Variants in MRPL39 observed in about 807,000 individuals in gnomAD.
MRPL39 encodes large ribosomal subunit protein mL39.
MRPL39 carries 35 observed loss-of-function variants against 44.5 expected under a neutral mutation model. The observed-to-expected ratio is 0.79, with a 90% CI of 0.60 to 1.04. The LOEUF is 1.04. Among genes scored for constraint, MRPL39 ranks in the 50% least tolerant of loss-of-function variants. MRPL39 has a pLI of 0.00. For synonymous variants in MRPL39, 139 were observed against 136.1 expected, an observed-to-expected ratio of 1.02 and a Z score of -0.15; for missense variants, 433 against 413.5, an observed-to-expected ratio of 1.05 and a Z score of -0.41.
At chr21:25,596,599 T>G (rs2031368082) in intron 6 of MRPL39, among the ~76,000 whole-genome samples, 1 of 152,200 alleles carries the variant, frequency 6.6e-6, no homozygotes, top group South Asian at 2.1e-4. Context: ...TAATTCAACT[T>G]CTATATACCT....
intron 3 of MRPL39, 25 bp from the exon 4 acceptor site, chr21:25,601,492 A>T: frequency 1.4e-6 from 2 of 1,402,626 alleles, no homozygotes; most frequent in Non-Finnish European, 2.0e-6. Context: ...TACATATATA[A>T]AATATATATA....
At chr21:25,607,509 C>T (rs767449660), upstream of MRPL39, 9 of 1,601,366 alleles carry the variant, frequency 5.6e-6, no homozygotes, top group East Asian at 1.8e-4. Flanking sequence ...GCAAGTCCTT[C>T]TCCGCCCTCC....
chr21:25,607,641 C>T, upstream of MRPL39: 1 of 681,814 alleles, frequency 1.5e-6, no homozygotes, highest in Non-Finnish European at 2.4e-6. Context: ...GTGGCTGAGA[C>T]CCCGAGACTC....
chr21:25,591,193 GA>G lies in MRPL39; in HGVS notation c.921+1618del, dbSNP rs368200258. 3.0e-3 allele frequency among the ~76,000 whole-genome samples: 440 copies of G among 145,242 alleles called. 3 individuals are homozygous for G. The highest frequency in any genetic ancestry group is 9.6e-3 in the African/African-American group (379 of 39,606). Reference sequence around the variant, plus strand: ...GTAAAACTCTAAAACTTTTAGGAGGGAAAAAAAAAAGGAGAAAATCTTTGGG... The same window carrying G: ...GTAAAACTCTAAAACTTTTAGGAGGGAAAAAAAAAGGAGAAAATCTTTGGG... On this transcript the variant is annotated intron_variant, in intron 8 of 9. Coordinates refer to ENST00000352957, the MANE Select transcript of MRPL39 (RefSeq NM_017446.4).
chr21:25,606,451 A>G lies in MRPL39; in HGVS notation c.278T>C (p.Met93Thr), dbSNP rs745477473. 1.3e-6 allele frequency: 2 copies of G among 1,594,142 alleles called. No individual in the cohort carries two copies. Among genetic ancestry groups the G allele is most frequent in the Non-Finnish European group, 8.6e-7 (1 of 1,169,578 alleles). The change falls in exon 2 of 10, where the codon ATG becomes ACG. Residue 93 changes from methionine (M) to threonine (T), a missense_variant and splice_region_variant. Met to Thr is a moderately conservative substitution (Grantham distance 81, BLOSUM62 -1). Coordinates refer to ENST00000352957, the MANE Select transcript of MRPL39 (RefSeq NM_017446.4). ...KNISTPYSCAMHLSEWYCRKS... is the reference protein window; with the variant it reads ...KNISTPYSCATHLSEWYCRKS... ...TGTAACCTGATTCTGCTACTTACGCATGGCACAACTGTAGGGAGTTGAAAT... is the reference window on the plus strand; with the variant it reads ...TGTAACCTGATTCTGCTACTTACGCGTGGCACAACTGTAGGGAGTTGAAAT...
chr21:25,596,091 T>C (rs1032178821), intron 6 of MRPL39, among the ~76,000 whole-genome samples: 1 of 152,142 alleles, frequency 6.6e-6, no homozygotes, highest in African/African-American at 2.4e-5. Context: ...TTGAGTGCGA[T>C]GAGTAAAAAT....
intron 1 of MRPL39, 85 bp downstream of exon 1, chr21:25,607,318 C>G (rs991751820): frequency 2.0e-6 from 3 of 1,494,236 alleles, no homozygotes; most frequent in Non-Finnish European, 2.8e-6. Flanking sequence ...CCCCGCGGGA[C>G]CTCCCCGGCC....
At chr21:25,604,906 G>A (rs1345815455) in intron 2 of MRPL39, among the ~76,000 whole-genome samples, 1 of 152,218 alleles carries the variant, frequency 6.6e-6, no homozygotes, top group African/African-American at 2.4e-5. Context: ...CAGGGGTCAT[G>A]CTGAGGATGC....
rs376250351 is a variant in MRPL39 at position 25,604,656 on chromosome 21, GC to G, written c.281-722del. Among the ~76,000 whole-genome samples the G allele has an allele frequency of 5.1e-3, 776 of 152,236 alleles. 4 individuals carry two copies. The highest frequency in any genetic ancestry group is 0.017 in the Middle Eastern group (5 of 294). ...CTGGTCTGTTTCATCATCCCAGAAT[GC>G]AATGCCAACTGTTAATGCCAATTAG... On this transcript the variant is annotated intron_variant, in intron 2 of 9. Coordinates refer to ENST00000352957, the MANE Select transcript of MRPL39 (RefSeq NM_017446.4).
chr21:25,607,464 C>A lies in MRPL39; in HGVS notation c.12G>T (p.Leu4=). 6.2e-7 allele frequency: 1 copy of A among 1,612,314 alleles called. No individual in the cohort carries two copies. The highest frequency in any genetic ancestry group is 1.7e-5 in the Admixed American group (1 of 60,018). The change falls in exon 1 of 10, where the codon CTG becomes CTT. Residue 4 remains leucine, a synonymous_variant. Transcript: ENST00000352957. MEA[L]AMGSRALRLW... ...GCCGCAGCGCCCGGGAACCCATGGC[C>A]AGCGCCTCCATAGCAGCGGTGAGAA...
intron 3 of MRPL39, 26 bp from the exon 4 acceptor site, chr21:25,601,493 A>T: frequency 1.4e-6 from 2 of 1,403,234 alleles, no homozygotes; most frequent in Non-Finnish European, 2.0e-6. Context: ...ACATATATAA[A>T]ATATATATAA....
intron 9 of MRPL39, among the ~76,000 whole-genome samples, chr21:25,588,093 C>T (rs2031058151): frequency 6.6e-6 from 1 of 152,090 alleles, no homozygotes; most frequent in South Asian, 2.1e-4. Context: ...GGGTGGATCA[C>T]GAGGTCAGGA....
At chr21:25,598,932 A>C (rs1469698359) in intron 5 of MRPL39, among the ~76,000 whole-genome samples, 1 of 151,986 alleles carries the variant, frequency 6.6e-6, no homozygotes, top group Non-Finnish European at 1.5e-5. Flanking sequence ...ATTTTCAGAG[A>C]TATTAAATAT....
chr21:25,607,464 C>T lies in MRPL39; in HGVS notation c.12G>A (p.Leu4=). 1 of 1,612,314 alleles carries T rather than the reference C, an allele frequency of 6.2e-7. No individual in the cohort carries two copies. Among genetic ancestry groups the T allele is most frequent in the East Asian group, 2.2e-5 (1 of 44,870 alleles). The change falls in exon 1 of 10, where the codon CTG becomes CTA. Residue 4 remains leucine, a synonymous_variant. Coordinates refer to ENST00000352957, the MANE Select transcript of MRPL39 (RefSeq NM_017446.4). ...GCCGCAGCGCCCGGGAACCCATGGC[C>T]AGCGCCTCCATAGCAGCGGTGAGAA... MEA[L]AMGSRALRLW... is the part of the protein sequence containing the mutation.
At chr21:25,591,103 A>C (rs1465248963) in intron 8 of MRPL39, among the ~76,000 whole-genome samples, 1 of 133,618 alleles carries the variant, frequency 7.5e-6, no homozygotes, top group Non-Finnish European at 1.6e-5. Flanking sequence ...AAAAAAAAAA[A>C]CCTAAACCTA....
chr21:25,602,226 T>A (rs2031544388), intron 3 of MRPL39, among the ~76,000 whole-genome samples: 1 of 152,266 alleles, frequency 6.6e-6, no homozygotes, highest in Non-Finnish European at 1.5e-5. Context: ...TAGCAACATG[T>A]ACTTCTTCAT....
intron 4 of MRPL39, among the ~76,000 whole-genome samples, chr21:25,601,082 TG>T (rs10715196): frequency 0.083 from 12,695 of 152,176 alleles, 1,318 homozygotes; most frequent in African/African-American, 0.23. Context: ...CACTCCAGCC[TG>T]GGTGACAGAG....
chr21:25,586,310 T>G (rs2030995332), intron 9 of MRPL39, among the ~76,000 whole-genome samples: 1 of 152,140 alleles, frequency 6.6e-6, no homozygotes, highest in East Asian at 1.9e-4. Context: ...GAATTCACTC[T>G]CTTCTTCCTA....
At chr21:25,603,750 G>A (rs923573656) in intron 3 of MRPL39, 46 bp downstream of exon 3, 1 of 1,549,078 alleles carries the variant, frequency 6.5e-7, no homozygotes, top group Admixed American at 2.0e-5. Flanking sequence ...TAATAAAAAG[G>A]TGAAGATACT....
Sources: allele counts gnomAD v4.1 joint callset (sites outside exome capture counted in the v4.1 genomes callset), GRCh38; gene constraint gnomAD v4.1.1; transcripts MANE v1.5; gene names NCBI Gene and HGNC (gene_info 2026-07-23, HGNC 2026-07-21).